TOM1L2: variants seen among roughly 807,000 people sequenced by gnomAD.
TOM1L2 encodes the protein TOM1-like protein 2.
Under a neutral mutation model 67.9 loss-of-function variants are expected in TOM1L2, and 31 were observed. The ratio of observed to expected loss-of-function variants is 0.46; its 90% CI spans 0.34 to 0.62. TOM1L2 has a LOEUF of 0.62. Ranked by LOEUF, TOM1L2 falls within the 20% of genes least tolerant of loss-of-function variation. The pLI, the probability that TOM1L2 is intolerant of heterozygous loss-of-function variation, is 0.01. For synonymous variants in TOM1L2, 256 were observed against 254.0 expected (o/e 1.01, Z -0.07); for missense variants, 606 against 663.5 (o/e 0.91, Z 0.95).
intron 1 of TOM1L2, among the ~76,000 whole-genome samples, chr17:17,925,879 A>G (rs917386680): frequency 2.7e-5 from 4 of 149,930 alleles, no homozygotes; most frequent in Non-Finnish European, 4.4e-5. Context: ...AAAGCTAGGT[A>G]TAGGCTATAG....
chr17:17,883,613 A>T (rs923974804), intron 5 of TOM1L2, among the ~76,000 whole-genome samples: 1 of 152,226 alleles, frequency 6.6e-6, no homozygotes, highest in Non-Finnish European at 1.5e-5. Flanking sequence ...GGTCACCTGT[A>T]GTCCCAGCTA....
intron 1 of TOM1L2, among the ~76,000 whole-genome samples, chr17:17,955,366 G>T (rs2041393268): frequency 1.6e-5 from 2 of 127,576 alleles, no homozygotes; most frequent in South Asian, 4.9e-4. Flanking sequence ...TGAGACAAGA[G>T]ACTTGCTCTG....
intron 1 of TOM1L2, among the ~76,000 whole-genome samples, chr17:17,909,098 G>A (rs1309263330): frequency 6.6e-6 from 1 of 152,074 alleles, no homozygotes. Flanking sequence ...GGAGAATGGC[G>A]TAAACCCAGG....
chr17:17,919,352 C>G (rs1189903395), intron 1 of TOM1L2, among the ~76,000 whole-genome samples: 2 of 152,188 alleles, frequency 1.3e-5, no homozygotes, highest in Non-Finnish European at 2.9e-5. Context: ...CTCTCCCATT[C>G]CCGTGTCACC....
intron 1 of TOM1L2, among the ~76,000 whole-genome samples, chr17:17,951,839 G>A (rs914083358): frequency 6.6e-6 from 1 of 152,160 alleles, no homozygotes; most frequent in East Asian, 1.9e-4. Context: ...ACAACCAAAT[G>A]CCTTTTCCCC....
At chr17:17,965,684 T>C (rs558429746) in intron 1 of TOM1L2, among the ~76,000 whole-genome samples, 1 of 152,332 alleles carries the variant, frequency 6.6e-6, no homozygotes, top group South Asian at 2.1e-4. Context: ...TTTCTCATTG[T>C]CTTAATGTCC....
chr17:17,935,441 G>T (rs1051782714), intron 1 of TOM1L2, among the ~76,000 whole-genome samples: 1 of 152,200 alleles, frequency 6.6e-6, no homozygotes, highest in African/African-American at 2.4e-5. Flanking sequence ...CTCCAAATCT[G>T]AATGGCAGAA....
At chr17:17,857,639 G>T in intron 12 of TOM1L2, 1 of 758,758 alleles carries the variant, frequency 1.3e-6, no homozygotes, top group Non-Finnish European at 2.0e-6. Context: ...ACCCCTGCCA[G>T]AAAGAAAGCG....
chr17:17,848,357 G>A (rs2035767317), intron 14 of TOM1L2, among the ~76,000 whole-genome samples: 1 of 152,220 alleles, frequency 6.6e-6, no homozygotes, highest in Non-Finnish European at 1.5e-5. Context: ...ATGAGCTTGG[G>A]GAGGCAGGAT....
At position 17,903,345 on chromosome 17, in the gene TOM1L2, T is replaced by C. The variant is rs1239380232; in HGVS notation, c.137+4102A>G. Among the ~76,000 whole-genome samples, 13 of 152,280 alleles carry C rather than the reference T, an allele frequency of 8.5e-5. No individual in the cohort carries two copies. The East Asian group carries it at 2.5e-3, about 29-fold the overall frequency. On this transcript the variant is annotated intron_variant, in intron 2 of 14. Coordinates refer to ENST00000379504, the MANE Select transcript of TOM1L2 (RefSeq NM_001082968.2). ...AGGGACAAAATGTTGAGTAATTGGC[T>C]GGGCGCGGTGGCTCACGCCTGTAAT...
chr17:17,909,962 G>A (rs1335612899), intron 1 of TOM1L2, among the ~76,000 whole-genome samples: 2 of 152,186 alleles, frequency 1.3e-5, no homozygotes, highest in East Asian at 3.8e-4. Context: ...CCAGGAGTTT[G>A]AGGCTGCAGT....
chr17:17,869,384 C>A lies in TOM1L2; in HGVS notation c.867G>T (p.Leu289=). Reference sequence around the variant, plus strand: ...CGTTGTTGAGGTCATCGTTCACATGCAGCAGCTCCTCGGTGACCTCCTCAT... The same window carrying A: ...CGTTGTTGAGGTCATCGTTCACATGAAGCAGCTCCTCGGTGACCTCCTCAT... ...VSNEEVTEEL[L]HVNDDLNNVF... Residue 289 remains leucine (L), a synonymous_variant, in exon 8 of 15, where the codon CTG becomes CTT. Transcript: ENST00000379504. The A allele has an allele frequency of 6.2e-7, 1 of 1,613,262 alleles. No homozygotes were observed. Among genetic ancestry groups the A allele is most frequent in the Non-Finnish European group, 8.5e-7 (1 of 1,179,998 alleles).
intron 1 of TOM1L2, among the ~76,000 whole-genome samples, chr17:17,965,130 A>G (rs1179942973): frequency 1.3e-5 from 2 of 149,336 alleles, no homozygotes; most frequent in South Asian, 2.1e-4. Context: ...GCGGGCTTTC[A>G]TGGTAGAGAG....
intron 1 of TOM1L2, among the ~76,000 whole-genome samples, chr17:17,931,999 C>A (rs528140882): frequency 7.2e-5 from 11 of 152,150 alleles, no homozygotes; most frequent in Non-Finnish European, 1.3e-4. Flanking sequence ...CTGACCAATG[C>A]CTTGATAAAC....
intron 6 of TOM1L2, among the ~76,000 whole-genome samples, chr17:17,880,411 G>C (rs1270889679): frequency 6.6e-6 from 1 of 152,186 alleles, no homozygotes. Flanking sequence ...CAAGGCCCAA[G>C]GCTCCTCTCC....
At chr17:17,905,499 C>T (rs913091416) in intron 2 of TOM1L2, among the ~76,000 whole-genome samples, 16 of 152,354 alleles carry the variant, frequency 1.1e-4, no homozygotes, top group African/African-American at 3.6e-4. Flanking sequence ...CATCATCTCA[C>T]ACCAGTATTA....
chr17:17,944,807 C>T (rs1437522108), intron 1 of TOM1L2, among the ~76,000 whole-genome samples: 1 of 152,222 alleles, frequency 6.6e-6, no homozygotes, highest in Admixed American at 6.5e-5. Flanking sequence ...ATATTAAATG[C>T]TTAGCGACAA....
chr17:17,938,500 G>T (rs2040596221), intron 1 of TOM1L2, among the ~76,000 whole-genome samples: 1 of 152,154 alleles, frequency 6.6e-6, no homozygotes, highest in Non-Finnish European at 1.5e-5. Flanking sequence ...AGGCACTGGG[G>T]AGGAATACAG....
intron 4 of TOM1L2, among the ~76,000 whole-genome samples, chr17:17,888,759 AG>A (rs1362758131): frequency 2.6e-5 from 4 of 152,254 alleles, no homozygotes; most frequent in Admixed American, 2.6e-4. Context: ...TGACTCTGCC[AG>A]GATGACTCCA....
Sources: gnomAD v4.1 joint callset for allele counts (sites outside exome capture counted in the v4.1 genomes callset) on GRCh38, gnomAD v4.1.1 for gene constraint, MANE v1.5 for transcripts, NCBI Gene and HGNC (gene_info 2026-07-23, HGNC 2026-07-21) for gene names.